MAD1L1: variants seen among roughly 807,000 people sequenced by gnomAD.
MAD1L1 encodes the protein mitotic arrest deficient 1 like 1, also known as mitotic spindle assembly checkpoint protein MAD1.
MAD1L1 carries 95 observed loss-of-function variants against 96.9 expected under a neutral mutation model. The observed-to-expected ratio is 0.98, with a 90% CI of 0.83 to 1.16. The LOEUF (loss-of-function observed/expected upper bound fraction) is 1.16. Among genes scored for constraint, MAD1L1 ranks in the 50% most tolerant of loss-of-function variants. The probability of loss-of-function intolerance (pLI) is 0.00; values close to 1 mark genes in which losing one functional copy is unlikely to be tolerated. For missense variants in MAD1L1, 1,007 were observed against 954.4 expected, an observed-to-expected ratio of 1.06 and a Z score of -0.73; for synonymous variants, 473 against 396.6, an observed-to-expected ratio of 1.19 and a Z score of -2.29.
chr7:2,173,000 G>A (rs779676982), intron 10 of MAD1L1, among the ~76,000 whole-genome samples: 157 of 152,168 alleles, frequency 1.0e-3, no homozygotes, highest in Non-Finnish European at 1.6e-3. Context: ...ATTCCCAGTC[G>A]AATCTCCTTT....
chr7:1,867,266 T>G (rs987978091), intron 18 of MAD1L1, among the ~76,000 whole-genome samples: 7 of 152,152 alleles, frequency 4.6e-5, no homozygotes, highest in Admixed American at 4.6e-4. Context: ...TCCAGAGGCC[T>G]TCGGGGCTAA....
At chr7:2,164,237 C>A (rs913440894) in intron 10 of MAD1L1, among the ~76,000 whole-genome samples, 1 of 152,208 alleles carries the variant, frequency 6.6e-6, no homozygotes, top group Non-Finnish European at 1.5e-5. Context: ...ATTCTAACAT[C>A]CTCAGGCACT....
intron 15 of MAD1L1, among the ~76,000 whole-genome samples, chr7:1,964,668 G>A (rs941905428): frequency 7.2e-5 from 11 of 152,344 alleles, no homozygotes; most frequent in Non-Finnish European, 1.2e-4. Flanking sequence ...TTAGCTGCCA[G>A]CCTAGATCTT....
At chr7:1,912,877 G>A (rs1005719950) in intron 17 of MAD1L1, among the ~76,000 whole-genome samples, 5 of 152,196 alleles carry the variant, frequency 3.3e-5, no homozygotes, top group African/African-American at 1.2e-4. Context: ...GGCCTGGGGT[G>A]GCGGCGGCGA....
At chr7:1,909,563 C>A (rs762207630) in intron 17 of MAD1L1, among the ~76,000 whole-genome samples, 9 of 152,116 alleles carry the variant, frequency 5.9e-5, no homozygotes, top group Admixed American at 2.6e-4. Context: ...CTGGCCGGGA[C>A]CCCCCGGGAT....
chr7:2,069,144 T>A, intron 12 of MAD1L1, 50 bp downstream of exon 12: 1 of 1,517,984 alleles, frequency 6.6e-7, no homozygotes, highest in Non-Finnish European at 8.8e-7. Flanking sequence ...AGGTGTGCAC[T>A]GACCCGCAGC....
intron 10 of MAD1L1, among the ~76,000 whole-genome samples, chr7:2,205,983 T>C (rs1054679947): frequency 2.0e-5 from 3 of 151,934 alleles, no homozygotes; most frequent in African/African-American, 7.3e-5. Context: ...AATACAAAAA[T>C]TAGCCGGGTG....
At chr7:2,159,285 G>A (rs1357474994) in intron 10 of MAD1L1, among the ~76,000 whole-genome samples, 6 of 152,186 alleles carry the variant, frequency 3.9e-5, no homozygotes, top group South Asian at 2.1e-4. Flanking sequence ...GCTTCTCCAC[G>A]TCACTGCCTC....
intron 18 of MAD1L1, among the ~76,000 whole-genome samples, chr7:1,864,085 G>A (rs754236593): frequency 1.8e-4 from 28 of 152,316 alleles, no homozygotes; most frequent in Non-Finnish European, 3.5e-4. Flanking sequence ...GAGGAAAGCC[G>A]AGGGAGAAAC....
chr7:2,180,697 T>A (rs570997777), intron 10 of MAD1L1, among the ~76,000 whole-genome samples: 1 of 152,212 alleles, frequency 6.6e-6, no homozygotes, highest in African/African-American at 2.4e-5. Context: ...TAACGTATAA[T>A]ATTAAACATT....
intron 10 of MAD1L1, among the ~76,000 whole-genome samples, chr7:2,199,183 C>A (rs562887913): frequency 2.0e-5 from 3 of 152,336 alleles, no homozygotes; most frequent in Middle Eastern, 3.4e-3. Flanking sequence ...GGAAACTGAG[C>A]CCCAGGAAGG....
At chr7:2,005,904 G>A (rs1024371136) in intron 13 of MAD1L1, among the ~76,000 whole-genome samples, 1 of 152,186 alleles carries the variant, frequency 6.6e-6, no homozygotes, top group Non-Finnish European at 1.5e-5. Context: ...ACAACCCTGA[G>A]TCAGAGGTGA....
Position 1,918,250 on chromosome 7 carries a change from C to T in MAD1L1, c.1807+18437G>A, listed in dbSNP as rs561444271. On this transcript the variant is annotated intron_variant, in intron 17 of 18. Transcript: ENST00000265854. ...GACCGCCCCAGCCTGGTCTCTGGCC[C>T]TGCTGCAGTGAGGCCCACCTGTGTC... Among the ~76,000 whole-genome samples the T allele has an allele frequency of 4.2e-3, 634 of 152,324 alleles. 4 individuals are homozygous for T. The highest frequency in any genetic ancestry group is 7.1e-3 in the Non-Finnish European group (480 of 68,022).
At position 1,978,856 on chromosome 7, in the gene MAD1L1, G is replaced by A. The variant is rs182744708; in HGVS notation, c.1505+1597C>T. 1.9e-4 allele frequency among the ~76,000 whole-genome samples: 29 copies of A among 152,264 alleles called. No homozygotes were observed. The East Asian group carries it at 2.7e-3, about 14-fold the overall frequency. On this transcript the variant is annotated intron_variant, in intron 15 of 18. Coordinates refer to ENST00000265854, the MANE Select transcript of MAD1L1 (RefSeq NM_001013836.2). ...CCATGCTCGGCCCTAAGGACGCCACGGCACACACTCAGTATCTGAACACTT... is the reference window on the plus strand; with the variant it reads ...CCATGCTCGGCCCTAAGGACGCCACAGCACACACTCAGTATCTGAACACTT...
At chr7:2,144,317 C>A (rs1789187424) in intron 11 of MAD1L1, among the ~76,000 whole-genome samples, 1 of 152,348 alleles carries the variant, frequency 6.6e-6, no homozygotes, top group Admixed American at 6.5e-5. Context: ...CTCTCAGCGT[C>A]CCCATCGTCA....
At chr7:1,983,400 GACA>G (rs1054822782) in intron 14 of MAD1L1, among the ~76,000 whole-genome samples, 1 of 152,138 alleles carries the variant, frequency 6.6e-6, no homozygotes, top group African/African-American at 2.4e-5. Flanking sequence ...GCAATTTTGG[GACA>G]ACGTTTTTCT....
intron 11 of MAD1L1, among the ~76,000 whole-genome samples, chr7:2,100,616 C>A (rs189886111): frequency 7.2e-5 from 11 of 152,266 alleles, no homozygotes; most frequent in Non-Finnish European, 1.6e-4. Context: ...GCCCTGGCTG[C>A]AAACCGGAAG....
chr7:2,156,850 G>GGAAAA (rs377044113), intron 10 of MAD1L1, among the ~76,000 whole-genome samples: 1,995 of 150,898 alleles, frequency 0.013, 47 homozygotes, highest in African/African-American at 0.046. Flanking sequence ...AGAAAGAAAA[G>GGAAAA]GAAAAGAAAA....
At chr7:2,111,279 C>T (rs568683112) in intron 11 of MAD1L1, among the ~76,000 whole-genome samples, 18 of 152,326 alleles carry the variant, frequency 1.2e-4, no homozygotes, top group African/African-American at 3.8e-4. Context: ...AGCCCGCAGG[C>T]GCCTCCATGC....
Sources: allele counts gnomAD v4.1 joint callset (sites outside exome capture counted in the v4.1 genomes callset), GRCh38; gene constraint gnomAD v4.1.1; transcripts MANE v1.5; gene names NCBI Gene and HGNC (gene_info 2026-07-23, HGNC 2026-07-21).